The following CEP85L variants were observed in gnomAD, a reference collection of about 807,000 sequenced individuals.
CEP85L encodes centrosomal protein of 85 kDa-like.
A neutral mutation model predicts 100.3 loss-of-function variants in CEP85L; 60 were observed. The observed-to-expected ratio is 0.60, with a 90% confidence interval of 0.49 to 0.74. CEP85L has a LOEUF of 0.74. Ranked by LOEUF, CEP85L falls within the 30% of genes least tolerant of loss-of-function variation. The pLI, the probability that CEP85L is intolerant of heterozygous loss-of-function variation, is 0.00. For synonymous variants in CEP85L, 319 were observed against 322.7 expected, an observed-to-expected ratio of 0.99 and a Z score of 0.12; for missense variants, 973 against 936.2, an observed-to-expected ratio of 1.04 and a Z score of -0.51.
intron 5 of CEP85L, among the ~76,000 whole-genome samples, chr6:118,504,421 T>A (rs1467193426): frequency 6.6e-6 from 1 of 151,052 alleles, no homozygotes; most frequent in East Asian, 1.9e-4. Context: ...AGCTTACATT[T>A]AAAAAAAAAT....
intron 1 of CEP85L, among the ~76,000 whole-genome samples, chr6:118,685,782 A>G (rs1278472540): frequency 1.3e-5 from 2 of 152,212 alleles, no homozygotes; most frequent in African/African-American, 4.8e-5. Context: ...CAGTGGAAAA[A>G]ATGGAGGTGG....
chr6:118,589,152 T>C (rs1412224463), intron 2 of CEP85L: 17 of 277,006 alleles, frequency 6.1e-5, no homozygotes. Flanking sequence ...TTCAATGATA[T>C]TGCCAGATAC....
chr6:118,627,882 C>T (rs1306134836), intron 2 of CEP85L, among the ~76,000 whole-genome samples: 1 of 152,148 alleles, frequency 6.6e-6, no homozygotes, highest in Non-Finnish European at 1.5e-5. Flanking sequence ...TAACCAACTC[C>T]AGTCAATTCT....
chr6:118,510,007 C>T (rs924317299), intron 5 of CEP85L, among the ~76,000 whole-genome samples: 6 of 151,942 alleles, frequency 3.9e-5, no homozygotes, highest in African/African-American at 1.2e-4. Context: ...ATTCATATGG[C>T]GTAGACACTG....
At chr6:118,599,278 T>G (rs1308860123) in intron 2 of CEP85L, among the ~76,000 whole-genome samples, 1 of 152,050 alleles carries the variant, frequency 6.6e-6, no homozygotes, top group Non-Finnish European at 1.5e-5. Context: ...AGTAAGGAAG[T>G]GCTCAAAAAA....
At chr6:118,516,607 T>C (rs1020089202) in intron 4 of CEP85L, among the ~76,000 whole-genome samples, 2 of 152,234 alleles carry the variant, frequency 1.3e-5, no homozygotes, top group Admixed American at 1.3e-4. Context: ...TGTTTTTTTC[T>C]TATAAATTTG....
rs1583042539 is a variant in CEP85L at position 118,557,363 on chromosome 6, C to G, written c.1020+8166G>C. 4.6e-5 allele frequency among the ~76,000 whole-genome samples: 7 copies of G among 152,288 alleles called. No homozygotes were observed. The South Asian group carries it at 1.4e-3, about 32-fold the overall frequency. ...GATTTAAAGAAACTATATGTTAGAA[C>G]TTTTACCCAAAAGAATAACCCAAAA... On this transcript the variant is annotated intron_variant, in intron 3 of 12. Transcript: ENST00000368491.
intron 6 of CEP85L, among the ~76,000 whole-genome samples, chr6:118,485,872 C>A (rs1343181664): frequency 6.6e-6 from 1 of 152,218 alleles, no homozygotes; most frequent in Non-Finnish European, 1.5e-5. Context: ...CCTATGTTTA[C>A]TTAATGCTCT....
intron 1 of CEP85L, among the ~76,000 whole-genome samples, chr6:118,702,944 C>G (rs1286891319): frequency 6.8e-6 from 1 of 146,428 alleles, no homozygotes; most frequent in Admixed American, 7.0e-5. Context: ...TGCAGTGAGC[C>G]GAGATGGCTC....
chr6:118,585,788 T>A (rs908473124), intron 2 of CEP85L, among the ~76,000 whole-genome samples: 1 of 152,092 alleles, frequency 6.6e-6, no homozygotes, highest in Admixed American at 6.5e-5. Flanking sequence ...TTAAAAATAA[T>A]CCCCTGAACA....
intron 2 of CEP85L, among the ~76,000 whole-genome samples, chr6:118,620,927 G>A (rs755625327): frequency 2.0e-5 from 3 of 152,096 alleles, no homozygotes; most frequent in African/African-American, 4.8e-5. Context: ...TCCAAAGCTG[G>A]AGCTATTAAC....
chr6:118,661,695 T>C (rs906770135), intron 1 of CEP85L, among the ~76,000 whole-genome samples: 1 of 152,062 alleles, frequency 6.6e-6, no homozygotes, highest in Non-Finnish European at 1.5e-5. Context: ...ATATTATTAG[T>C]GGTAATGTTA....
chr6:118,614,900 A>ATAGG (rs1232708254), intron 2 of CEP85L, among the ~76,000 whole-genome samples: 2 of 151,754 alleles, frequency 1.3e-5, no homozygotes, highest in African/African-American at 2.4e-5. Context: ...AGATAGATAG[A>ATAGG]TAGATAGATT....
intron 4 of CEP85L, among the ~76,000 whole-genome samples, chr6:118,514,239 G>T (rs1449897167): frequency 6.6e-6 from 1 of 152,014 alleles, no homozygotes; most frequent in South Asian, 2.1e-4. Flanking sequence ...AAAACAAATA[G>T]CAATGCCAGG....
At chr6:118,565,245 T>C (rs545087520) in intron 3 of CEP85L, 11 of 378,736 alleles carry the variant, frequency 2.9e-5, no homozygotes, top group South Asian at 2.2e-4. Flanking sequence ...TTTCCAAGTT[T>C]ATTTAGATTG....
chr6:118,497,573 T>C (rs1775003045), intron 5 of CEP85L, among the ~76,000 whole-genome samples: 1 of 152,170 alleles, frequency 6.6e-6, no homozygotes, highest in Non-Finnish European at 1.5e-5. Flanking sequence ...CCTCCCCAGG[T>C]CTGTGGAGAA....
At chr6:118,611,318 T>C (rs1176904716) in intron 2 of CEP85L, among the ~76,000 whole-genome samples, 2 of 152,140 alleles carry the variant, frequency 1.3e-5, no homozygotes, top group African/African-American at 4.8e-5. Flanking sequence ...TACATATGTA[T>C]ATATAATATA....
At chr6:118,477,298 C>T (rs1001825257) in intron 10 of CEP85L, among the ~76,000 whole-genome samples, 4 of 152,022 alleles carry the variant, frequency 2.6e-5, no homozygotes, top group African/African-American at 7.2e-5. Flanking sequence ...TTAGCATATA[C>T]TTTTACATGA....
At chr6:118,571,404 T>C (rs1202949733) in intron 2 of CEP85L, among the ~76,000 whole-genome samples, 1 of 152,168 alleles carries the variant, frequency 6.6e-6, no homozygotes, top group Non-Finnish European at 1.5e-5. Context: ...AGATTTAAGT[T>C]TTAAAGGCCA....
Sources: allele counts gnomAD v4.1 joint callset (sites outside exome capture counted in the v4.1 genomes callset), GRCh38; gene constraint gnomAD v4.1.1; transcripts MANE v1.5; gene names NCBI Gene and HGNC (gene_info 2026-07-23, HGNC 2026-07-21).